Variants in SI observed in about 807,000 individuals in gnomAD.
SI encodes the protein sucrase-isomaltase.
In SI, 235 loss-of-function variants were observed where a neutral mutation model predicts 253.3. The observed-to-expected ratio is 0.93, with a 90% CI of 0.83 to 1.03. The LOEUF is 1.03. Among genes scored for constraint, SI ranks in the 50% least tolerant of loss-of-function variants. The pLI is 0.00. For synonymous variants in SI, 819 were observed against 712.0 expected, an observed-to-expected ratio of 1.15 and a Z score of -2.39; for missense variants, 2,442 against 2,211.1, an observed-to-expected ratio of 1.10 and a Z score of -2.09.
intron 20 of SI, 138 bp downstream of exon 20, chr3:165,038,937 AATT>A (rs1353441062): frequency 3.5e-5 from 20 of 579,050 alleles, no homozygotes; most frequent in Admixed American, 9.6e-5. Flanking sequence ...TAAAGTCTGA[AATT>A]ATTATTTTTT....
chr3:165,034,161 C>T (rs1264668464), intron 22 of SI, among the ~76,000 whole-genome samples: 1 of 151,696 alleles, frequency 6.6e-6, no homozygotes, highest in Non-Finnish European at 1.5e-5. Flanking sequence ...ATATTCAGAA[C>T]CTGAACTGAA....
intron 13 of SI, among the ~76,000 whole-genome samples, chr3:165,054,845 A>G (rs1713614650): frequency 6.6e-6 from 1 of 152,240 alleles, no homozygotes; most frequent in South Asian, 2.1e-4. Context: ...AACTTTAATA[A>G]ATGTTTTGCT....
At chr3:165,064,641 T>C (rs1282863122) in intron 7 of SI, among the ~76,000 whole-genome samples, 2 of 152,046 alleles carry the variant, frequency 1.3e-5, no homozygotes, top group African/African-American at 4.8e-5. Flanking sequence ...ACAGGAATAA[T>C]ACACTAATAG....
At chr3:165,055,627 A>G (rs1713659838) in intron 12 of SI, among the ~76,000 whole-genome samples, 2 of 151,984 alleles carry the variant, frequency 1.3e-5, no homozygotes, top group African/African-American at 4.8e-5. Flanking sequence ...TAAATATTCT[A>G]TATAATATAT....
intron 19 of SI, 53 bp downstream of exon 19, chr3:165,039,834 G>A (rs1712723843): frequency 7.4e-6 from 9 of 1,215,304 alleles, no homozygotes; most frequent in East Asian, 2.3e-5. Flanking sequence ...ATGTAGGGTC[G>A]ATTTAGTTAT....
Position 164,982,312 on chromosome 3 carries a change from G to C in SI, c.5346C>G (p.Val1782=), listed in dbSNP as rs754670401. 66 of 1,612,804 alleles carry C rather than the reference G, an allele frequency of 4.1e-5. No homozygotes were observed. Among genetic ancestry groups the C allele is most frequent in the Non-Finnish European group, 5.3e-5 (63 of 1,179,276 alleles). The change falls in exon 47 of 48, where the codon GTC becomes GTG. Residue 1782 remains valine, a synonymous_variant. Coordinates refer to ENST00000264382, the MANE Select transcript of SI (RefSeq NM_001041.4). ...LHVWGKGTTP[V]NAVTLTYNGN... is the part of the protein sequence containing the mutation. ...CGTTATACGTTAGAGTAACTGCATT[G>C]ACAGGAGTAGTTCCTTTCCCCCATA...
Position 165,017,757 on chromosome 3 carries a change from A to T in SI, c.3633+4T>A. ...ATTTTTTTAAAAGAAATATGCAATC[A>T]TACTTCATGGTATTGCTTTGTTGCA... On this transcript the variant is annotated splice_donor_region_variant and intron_variant, in intron 30 of 47. Transcript: ENST00000264382. The T allele has an allele frequency of 2.5e-6, 4 of 1,608,272 alleles. No homozygotes were observed. Among genetic ancestry groups the T allele is most frequent in the Non-Finnish European group, 3.4e-6 (4 of 1,175,482 alleles).
At chr3:165,043,196 C>T (rs754821100) in intron 16 of SI, 21 bp from the exon 17 acceptor site, 1 of 1,488,862 alleles carries the variant, frequency 6.7e-7, no homozygotes. Flanking sequence ...AATATATTTA[C>T]TATTTATAAT....
intron 8 of SI, 95 bp downstream of exon 8, chr3:165,063,347 A>G (rs1714070973): frequency 6.3e-6 from 4 of 638,526 alleles, no homozygotes; most frequent in Non-Finnish European, 1.1e-5. Context: ...AATAGAGTTT[A>G]CTCTCACATA....
chr3:165,077,937 T>C (rs1303305159), intron 1 of SI, among the ~76,000 whole-genome samples: 2 of 151,620 alleles, frequency 1.3e-5, no homozygotes, highest in African/African-American at 4.8e-5. Context: ...TTGGAAAATA[T>C]ATATTGATAC....
intron 36 of SI, 43 bp downstream of exon 36, chr3:165,007,868 A>G (rs1332416516): frequency 1.9e-5 from 17 of 917,566 alleles, no homozygotes; most frequent in Non-Finnish European, 2.7e-5. Flanking sequence ...TTAATATATA[A>G]TAATAACATG....
chr3:165,048,249 G>A (rs1414843108), intron 15 of SI, among the ~76,000 whole-genome samples: 1 of 151,776 alleles, frequency 6.6e-6, no homozygotes, highest in African/African-American at 2.4e-5. Context: ...TTGTATCACA[G>A]GACCATAAAC....
At chr3:164,991,694 T>C (rs1717743230) in intron 43 of SI, among the ~76,000 whole-genome samples, 1 of 152,140 alleles carries the variant, frequency 6.6e-6, no homozygotes, top group South Asian at 2.1e-4. Context: ...ATATACATGG[T>C]GAAATTTACT....
At chr3:165,076,408 A>G (rs1247993149) in intron 1 of SI, among the ~76,000 whole-genome samples, 1 of 149,018 alleles carries the variant, frequency 6.7e-6, no homozygotes, top group Non-Finnish European at 1.5e-5. Context: ...TCTCACAACA[A>G]TTCTATGAAG....
chr3:164,980,939 G>A lies in SI; in HGVS notation c.5415+1304C>T, dbSNP rs573467337. ...TCTTTATCTGATTGAACATTGGACC[G>A]TGCAAAAAAGTGATTTCTAATTGTG... On this transcript the variant is annotated intron_variant, in intron 47 of 47. Transcript: ENST00000264382. 1.1e-3 allele frequency among the ~76,000 whole-genome samples: 172 copies of A among 151,862 alleles called. 1 individual carries two copies. The highest frequency in any genetic ancestry group is 3.9e-3 in the African/African-American group (162 of 41,480).
chr3:164,981,971 CAT>C (rs1352955895), intron 47 of SI, among the ~76,000 whole-genome samples: 1 of 152,060 alleles, frequency 6.6e-6, no homozygotes, highest in African/African-American at 2.4e-5. Flanking sequence ...GGCACTTTAT[CAT>C]ATAGGGATAA....
intron 12 of SI, among the ~76,000 whole-genome samples, chr3:165,057,581 A>G (rs1306449744): frequency 6.6e-6 from 1 of 152,026 alleles, no homozygotes; most frequent in Non-Finnish European, 1.5e-5. Context: ...GAAGGCAAAA[A>G]GCAGCAGGAT....
intron 12 of SI, among the ~76,000 whole-genome samples, chr3:165,056,519 G>C (rs966091617): frequency 6.6e-6 from 1 of 152,156 alleles, no homozygotes; most frequent in Non-Finnish European, 1.5e-5. Context: ...GGGTAGGAAA[G>C]AGAGTCTTGG....
intron 45 of SI, among the ~76,000 whole-genome samples, 162 bp from the exon 46 acceptor site, chr3:164,983,213 C>A (rs1717280275): frequency 6.6e-6 from 1 of 152,092 alleles, no homozygotes; most frequent in African/African-American, 2.4e-5. Context: ...CAGATACAAT[C>A]CAAGGAGCCT....
Sources: gnomAD v4.1 joint callset for allele counts (sites outside exome capture counted in the v4.1 genomes callset) on GRCh38, gnomAD v4.1.1 for gene constraint, MANE v1.5 for transcripts, NCBI Gene and HGNC (gene_info 2026-07-23, HGNC 2026-07-21) for gene names.